Variants in EML1 observed in about 807,000 individuals in gnomAD.
EML1 encodes the protein echinoderm microtubule-associated protein-like 1.
Under a neutral mutation model 110.4 loss-of-function variants are expected in EML1, and 27 were observed. The ratio of observed to expected loss-of-function variants is 0.24; its 90% CI spans 0.18 to 0.34. The LOEUF is 0.34. Among genes scored for constraint, EML1 ranks in the 10% least tolerant of loss-of-function variants. The pLI is 1.00. For synonymous variants in EML1, 344 were observed against 385.8 expected, an observed-to-expected ratio of 0.89 and a Z score of 1.27; for missense variants, 741 against 1,030.9, an observed-to-expected ratio of 0.72 and a Z score of 3.85.
At chr14:99,904,375 CA>C (rs143780001) in intron 9 of EML1, among the ~76,000 whole-genome samples, 2,233 of 150,260 alleles carry the variant, frequency 0.015, 51 homozygotes, top group African/African-American at 0.052. Context: ...TTAATCTAGG[CA>C]AAAAAAAATC....
intron 16 of EML1, among the ~76,000 whole-genome samples, chr14:99,918,943 C>T (rs927528976): frequency 3.9e-5 from 6 of 152,212 alleles, no homozygotes; most frequent in Admixed American, 3.9e-4. Context: ...CTCCTACACA[C>T]CGGATGGTGG....
At chr14:99,754,501 C>T (rs1254299831) in intron 1 of EML1, among the ~76,000 whole-genome samples, 1 of 152,232 alleles carries the variant, frequency 6.6e-6, no homozygotes, top group East Asian at 1.9e-4. Context: ...GAGTAGGTTA[C>T]AGACGGACCT....
chr14:99,938,440 G>A (rs182545902), intron 20 of EML1, among the ~76,000 whole-genome samples: 75 of 152,350 alleles, frequency 4.9e-4, no homozygotes, highest in Non-Finnish European at 9.1e-4. Context: ...GGTGTTCAGT[G>A]CTGAGGTCCG....
In EML1 at chr14:99,781,296, C is replaced by T. The variant is rs527713315; in HGVS notation, c.-27+7283C>T. The stretch of plus-strand genomic sequence containing the variant: ...TCCTCCCCCACCACCTGTTTCCTGG[C>T]CAGCTCTAGCCCTAAGGCCCTGCCC... On this transcript the variant is annotated intron_variant, in intron 1 of 22. Coordinates refer to the EML1 transcript ENST00000327921. The surrounding 1 kb of genome is among the most constrained non-coding windows in gnomAD (Gnocchi z 4.2). 6.6e-6 allele frequency among the ~76,000 whole-genome samples: 1 copy of T among 152,202 alleles called. No homozygotes were observed. Among genetic ancestry groups the T allele is most frequent in the African/African-American group, 2.4e-5 (1 of 41,520 alleles).
At chr14:99,743,980 T>C (rs2057074777) in intron 1 of EML1, among the ~76,000 whole-genome samples, 1 of 152,196 alleles carries the variant, frequency 6.6e-6, no homozygotes, top group Non-Finnish European at 1.5e-5. Context: ...TTTCACTATT[T>C]TTTTTCTTGA....
At chr14:99,912,357 G>A (rs886324027) in intron 13 of EML1, among the ~76,000 whole-genome samples, 11 of 152,054 alleles carry the variant, frequency 7.2e-5, no homozygotes, top group Non-Finnish European at 1.3e-4. Context: ...TGGCAGCCCT[G>A]CATTCCGGTA....
chr14:99,813,639 TAGTTGCTGCAGTGAGCTACAATC>T (rs1407879180), intron 1 of EML1, among the ~76,000 whole-genome samples: 1 of 152,072 alleles, frequency 6.6e-6, no homozygotes, highest in Non-Finnish European at 1.5e-5. Context: ...CCTGGGAAGA[TAGTTGCTGCAGTGAGCTACAATC>T]ATGCCACAGC....
intron 1 of EML1, among the ~76,000 whole-genome samples, chr14:99,814,868 G>A (rs1319883888): frequency 4.6e-5 from 7 of 152,160 alleles, no homozygotes. Flanking sequence ...CACTATGCTA[G>A]CATATATGCT....
intron 2 of EML1, among the ~76,000 whole-genome samples, chr14:99,858,247 C>G (rs946560931): frequency 7.3e-5 from 11 of 150,324 alleles, no homozygotes; most frequent in African/African-American, 2.7e-4. Flanking sequence ...TACAATGGTG[C>G]GATCTCAGCT....
intron 1 of EML1, among the ~76,000 whole-genome samples, chr14:99,757,200 G>GT (rs1394584618): frequency 6.6e-6 from 1 of 152,188 alleles, no homozygotes; most frequent in African/African-American, 2.4e-5. Context: ...TTAGCTGGGT[G>GT]TGGTGGTGCA....
intron 3 of EML1, among the ~76,000 whole-genome samples, chr14:99,868,440 C>G (rs2059138918): frequency 6.6e-6 from 1 of 152,246 alleles, no homozygotes; most frequent in East Asian, 1.9e-4. Flanking sequence ...GCCATTGGGT[C>G]CTGGACTTTT....
intron 1 of EML1, among the ~76,000 whole-genome samples, chr14:99,777,608 C>T (rs528907113): frequency 3.1e-4 from 47 of 152,126 alleles, no homozygotes; most frequent in African/African-American, 1.1e-3. Flanking sequence ...TTAGTAGAGA[C>T]GGGGTTTCAC....
intron 9 of EML1, among the ~76,000 whole-genome samples, chr14:99,906,146 G>A (rs1004898820): frequency 2.0e-5 from 3 of 152,122 alleles, no homozygotes; most frequent in East Asian, 1.9e-4. Flanking sequence ...CAAAGTCAGC[G>A]TTTGGGTTGG....
At chr14:99,881,878 C>A (rs10146679) in intron 4 of EML1, among the ~76,000 whole-genome samples, 1 of 152,094 alleles carries the variant, frequency 6.6e-6, no homozygotes, top group Non-Finnish European at 1.5e-5. Context: ...GGATTACAGG[C>A]GTGAGCCACC....
chr14:99,816,166 A>G (rs1395986595), intron 1 of EML1, among the ~76,000 whole-genome samples: 3 of 151,918 alleles, frequency 2.0e-5, no homozygotes, highest in African/African-American at 7.3e-5. Flanking sequence ...CTCATATTTG[A>G]CTTTATTATT....
intron 1 of EML1, among the ~76,000 whole-genome samples, chr14:99,823,335 G>T (rs761453366): frequency 2.6e-5 from 4 of 152,036 alleles, no homozygotes; most frequent in African/African-American, 7.2e-5. Flanking sequence ...GCCGCACTGT[G>T]GCTGTGTCCC....
chr14:99,793,377 C>CCCAGCG (rs1158577257), upstream of EML1: 14 of 994,628 alleles, frequency 1.4e-5, no homozygotes, highest in East Asian at 1.0e-4. Context: ...CAGGGCCGGC[C>CCCAGCG]CCAGCGCCAG....
chr14:99,759,797 C>T (rs2057294679), intron 1 of EML1, among the ~76,000 whole-genome samples: 1 of 152,168 alleles, frequency 6.6e-6, no homozygotes, highest in Non-Finnish European at 1.5e-5. Flanking sequence ...CTGGAAAACG[C>T]TCTTTGCGTT....
intron 1 of EML1, among the ~76,000 whole-genome samples, chr14:99,832,286 G>A (rs1387494900): frequency 1.3e-5 from 2 of 152,042 alleles, no homozygotes; most frequent in African/African-American, 4.8e-5. Context: ...ATGGACATTT[G>A]GGCTGTTTCC....
Sources: allele counts gnomAD v4.1 joint callset (sites outside exome capture counted in the v4.1 genomes callset), GRCh38; gene constraint gnomAD v4.1.1; non-coding constraint Gnocchi (gnomAD v3.1); transcripts MANE v1.5; gene names NCBI Gene and HGNC (gene_info 2026-07-23, HGNC 2026-07-21).